ITGB4: variants seen among roughly 807,000 people sequenced by gnomAD.
ITGB4 encodes the protein integrin beta-4.
Under a neutral mutation model 207.6 loss-of-function variants are expected in ITGB4, and 159 were observed. The ratio of observed to expected loss-of-function variants is 0.77; its 90% CI spans 0.67 to 0.87. ITGB4 has a LOEUF of 0.87. Ranked by LOEUF, ITGB4 falls within the 40% of genes least tolerant of loss-of-function variation. The pLI is 0.00. For missense variants in ITGB4, 2,278 were observed against 2,546.8 expected (o/e 0.89, Z 2.27); for synonymous variants, 1,020 against 1,062.7 (o/e 0.96, Z 0.78).
rs764647432 is a variant in ITGB4, at chr17:75,733,701, A to C, written c.1657+9A>C. ...CGGGTTCCTCTGCAATGGTGAGCAC[A>C]ACAACTGCGGCCAATGCTGATGGCG... is the stretch of plus-strand genomic sequence containing the variant. On this transcript the variant is annotated intron_variant, in intron 13 of 39. Transcript: ENST00000200181. The C allele has an allele frequency of 8.7e-6, 14 of 1,613,384 alleles. No homozygotes were observed. The highest frequency in any genetic ancestry group is 1.3e-5 in the African/African-American group (1 of 74,948).
In ITGB4 at chr17:75,730,386, C is replaced by T; in HGVS notation, c.884C>T (p.Thr295Ile). Residue 295 changes from threonine (T) to isoleucine (I), a missense_variant, in exon 8 of 40, where the codon ACC becomes ATC. Coordinates refer to ENST00000200181, the MANE Select transcript of ITGB4 (RefSeq NM_000213.5). ...DERCHLDTTGTYTQYRTQDYP... is the reference protein window; with the variant it reads ...DERCHLDTTGIYTQYRTQDYP... Reference sequence around the variant, plus strand: ...CGGTGCCACCTGGACACCACGGGCACCTACACCCAGTACAGGACACAGGAC... The same window carrying T: ...CGGTGCCACCTGGACACCACGGGCATCTACACCCAGTACAGGACACAGGAC... The T allele has an allele frequency of 6.2e-7, 1 of 1,613,942 alleles. No individual in the cohort carries two copies. The highest frequency in any genetic ancestry group is 8.5e-7 in the Non-Finnish European group (1 of 1,179,994).
In ITGB4 at chr17:75,757,050, A is replaced by C; in HGVS notation, c.5161A>C (p.Thr1721Pro). The change falls in exon 38 of 40, where the codon ACT (threonine) becomes CCT (proline). Residue 1721 changes from threonine to proline, a missense_variant. By Grantham distance (38) the Thr-to-Pro change is conservative. Transcript: ENST00000200181. ...CAAGTTCAAGGTGCAGGCCAGGACC[A>C]CTGAGGGCTTCGGGCCAGAGCGCGA... is the stretch of plus-strand genomic sequence containing the variant. ...PYKFKVQART[T>P]EGFGPEREGI... The C allele has an allele frequency of 1.2e-6, 2 of 1,612,686 alleles. No individual in the cohort carries two copies. Among genetic ancestry groups the C allele is most frequent in the Non-Finnish European group, 1.7e-6 (2 of 1,179,876 alleles).
At chr17:75,735,111 G>A (rs561102266) in intron 13 of ITGB4, among the ~76,000 whole-genome samples, 3 of 152,146 alleles carry the variant, frequency 2.0e-5, no homozygotes, top group African/African-American at 4.8e-5. Flanking sequence ...TTTTTGAGAC[G>A]GAGTCTTGCT....
chr17:75,723,657 G>C (rs984186442), intron 1 of ITGB4, among the ~76,000 whole-genome samples: 3 of 152,264 alleles, frequency 2.0e-5, no homozygotes, highest in Admixed American at 1.3e-4. Context: ...GCCTGAGAAG[G>C]GCTTCTCCAG....
intron 34 of ITGB4, chr17:75,755,057 C>A: frequency 1.3e-6 from 2 of 1,597,384 alleles, no homozygotes; most frequent in South Asian, 2.3e-5. Context: ...TGCCCTAGGC[C>A]TCCCTCCCAT....
rs1445943496 is a variant in ITGB4, at chr17:75,722,675, G to A, written c.-11+1063G>A. 2.0e-5 allele frequency among the ~76,000 whole-genome samples: 3 copies of A among 152,108 alleles called. No homozygotes were observed. The highest frequency in any genetic ancestry group is 4.4e-5 in the Non-Finnish European group (3 of 68,010). On this transcript the variant is annotated intron_variant, in intron 1 of 39. Transcript: ENST00000200181. This position sits in a 1 kb window ranked among gnomAD's most constrained non-coding sequence, Gnocchi z 6.2. ...TGACAGCGGGAGAGGATAGTGGACA[G>A]GAGCAGGTGTGCCCAGAGGGGTCCC...
chr17:75,757,740 T>C lies in ITGB4; in HGVS notation c.*185T>C, dbSNP rs762418706. On this transcript the variant is annotated 3_prime_UTR_variant, in exon 40 of 40. Coordinates refer to ENST00000200181, the MANE Select transcript of ITGB4 (RefSeq NM_000213.5). ...GGTCCGTCCTCTGTGGGCCCAAACC[T>C]ATTTGTAACCAAAGAGCTGGGAGCA... The C allele has an allele frequency of 1.3e-6, 1 of 780,056 alleles. No individual in the cohort carries two copies. Among genetic ancestry groups the C allele is most frequent in the Non-Finnish European group, 2.1e-6 (1 of 474,998 alleles). 48.3% of individuals were successfully genotyped at this position (780,056 alleles called of 1,614,324 possible). A position where few individuals can be genotyped will look rare whatever the true frequency, so the allele number is the denominator to read the frequency against.
At position 75,750,010 on chromosome 17, in the gene ITGB4, T is replaced by C; in HGVS notation, c.3317-101T>C. 1.4e-6 allele frequency: 2 copies of C among 1,461,928 alleles called. No homozygotes were observed. Among genetic ancestry groups the C allele is most frequent in the Non-Finnish European group, 1.9e-6 (2 of 1,043,184 alleles). The allele number at this position is 1,461,928 out of a possible 1,614,324, so 90.6% of individuals were successfully genotyped here. On this transcript the variant is annotated intron_variant, in intron 27 of 39. Transcript: ENST00000200181. The surrounding 1 kb of genome is among the most constrained non-coding windows in gnomAD (Gnocchi z 5.5). The stretch of plus-strand genomic sequence containing the variant: ...CGCGGGTGGGCAGGTCTGAGTTGAA[T>C]GCGCTGGGTAGAGCGCCCTGGGTGT...
rs957737266 is a variant in ITGB4, at chr17:75,743,894, C to G, written c.3111+33C>G. The G allele has an allele frequency of 1.6e-5, 25 of 1,551,640 alleles. No individual in the cohort carries two copies. The Admixed American group carries it at 2.3e-4, about 15-fold the overall frequency. On this transcript the variant is annotated intron_variant, in intron 26 of 39. Coordinates refer to ENST00000200181, the MANE Select transcript of ITGB4 (RefSeq NM_000213.5). Reference sequence around the variant, plus strand: ...TGCGCCACAGGGTCGAGGGTGCAGCCCGGGGGGCTGCGTGGGCACCGCATT... The same window carrying G: ...TGCGCCACAGGGTCGAGGGTGCAGCGCGGGGGGCTGCGTGGGCACCGCATT...
chr17:75,740,665 C>A lies in ITGB4; in HGVS notation c.2551-128C>A. 8.8e-7 allele frequency: 1 copy of A among 1,142,128 alleles called. No individual in the cohort carries two copies. 70.7% of individuals were successfully genotyped at this position (1,142,128 alleles called of 1,614,324 possible). Reference sequence around the variant, plus strand: ...AGCCTGGGCCCAGGATGCTGCCCCACGGGGCATGCCCCAGCCAACCCTGAG... The same window carrying A: ...AGCCTGGGCCCAGGATGCTGCCCCAAGGGGCATGCCCCAGCCAACCCTGAG... On this transcript the variant is annotated intron_variant, in intron 21 of 39. Transcript: ENST00000200181. The surrounding 1 kb of genome is among the most constrained non-coding windows in gnomAD (Gnocchi z 5.9).
At position 75,739,974 on chromosome 17, in the gene ITGB4, C is replaced by T. The variant is rs1393807696; in HGVS notation, c.2349C>T (p.Asn783=). 1 of 1,613,252 alleles carries T rather than the reference C, an allele frequency of 6.2e-7. No homozygotes were observed. Among genetic ancestry groups the T allele is most frequent in the Non-Finnish European group, 8.5e-7 (1 of 1,180,032 alleles). Reference sequence around the variant, plus strand: ...ACACGCCCATGCTGCGCAGCGGGAACCTCAAGGGCCGTGACGTGGTCCGCT... The same window carrying T: ...ACACGCCCATGCTGCGCAGCGGGAATCTCAAGGGCCGTGACGTGGTCCGCT... ...HLDTPMLRSG[N]LKGRDVVRWK... The change falls in exon 20 of 40, where the codon AAC becomes AAT. Residue 783 remains asparagine, a synonymous_variant. Coordinates refer to ENST00000200181, the MANE Select transcript of ITGB4 (RefSeq NM_000213.5). This position sits in a 1 kb window ranked among gnomAD's most constrained non-coding sequence, Gnocchi z 5.4.
Position 75,757,590 on chromosome 17 carries a change from G to A in ITGB4, c.*35G>A. 1 of 1,612,878 alleles carries A rather than the reference G, an allele frequency of 6.2e-7. No homozygotes were observed. The highest frequency in any genetic ancestry group is 1.1e-5 in the South Asian group (1 of 91,066). On this transcript the variant is annotated 3_prime_UTR_variant, in exon 40 of 40. Coordinates refer to ENST00000200181, the MANE Select transcript of ITGB4 (RefSeq NM_000213.5). The stretch of plus-strand genomic sequence containing the variant: ...GCCCCACCCCCGCCACGTCCCACTA[G>A]GCGTCCTCCCGACTCCTCTCCCGGA...
At position 75,732,284 on chromosome 17, in the gene ITGB4, T is replaced by C; in HGVS notation, c.1454+45T>C. ...GGGCACCCAGGACACCAGTGGCCCC[T>C]GATGGGAAAGCTGGGCTCCTGCAGG... is the stretch of plus-strand genomic sequence containing the variant. On this transcript the variant is annotated intron_variant, in intron 12 of 39. Coordinates refer to ENST00000200181, the MANE Select transcript of ITGB4 (RefSeq NM_000213.5). The surrounding 1 kb of genome is among the most constrained non-coding windows in gnomAD (Gnocchi z 5.3). 6.3e-7 allele frequency: 1 copy of C among 1,583,448 alleles called. No homozygotes were observed. Among genetic ancestry groups the C allele is most frequent in the South Asian group, 1.1e-5 (1 of 90,474 alleles).
chr17:75,726,000 C>G (rs2060709865), intron 2 of ITGB4, among the ~76,000 whole-genome samples: 1 of 152,222 alleles, frequency 6.6e-6, no homozygotes, highest in African/African-American at 2.4e-5. Context: ...GGCAGCAGGC[C>G]AGGGGGTGGC....
chr17:75,740,654 A>T lies in ITGB4; in HGVS notation c.2551-139A>T, dbSNP rs888221064. Reference sequence around the variant, plus strand: ...CAGAAGGCCAGAGCCTGGGCCCAGGATGCTGCCCCACGGGGCATGCCCCAG... The same window carrying T: ...CAGAAGGCCAGAGCCTGGGCCCAGGTTGCTGCCCCACGGGGCATGCCCCAG... On this transcript the variant is annotated intron_variant, in intron 21 of 39. Transcript: ENST00000200181. The surrounding 1 kb of genome is among the most constrained non-coding windows in gnomAD (Gnocchi z 5.9). 8 of 1,067,174 alleles carry T rather than the reference A, an allele frequency of 7.5e-6. No individual in the cohort carries two copies. Among genetic ancestry groups the T allele is most frequent in the Admixed American group, 5.6e-5 (3 of 53,436 alleles). The allele number at this position is 1,067,174 out of a possible 1,614,324, so 66.1% of individuals were successfully genotyped here.
At position 75,756,310 on chromosome 17, in the gene ITGB4, C is replaced by A. The variant is rs541616017; in HGVS notation, c.4709-119C>A. Reference sequence around the variant, plus strand: ...ATACTGTACCCAACCTGTACCCAAACCACAGCTAGTCCTGGGTGGGTGATA... The same window carrying A: ...ATACTGTACCCAACCTGTACCCAAAACACAGCTAGTCCTGGGTGGGTGATA... On this transcript the variant is annotated intron_variant, in intron 35 of 39. Coordinates refer to ENST00000200181, the MANE Select transcript of ITGB4 (RefSeq NM_000213.5). 563 of 1,118,472 alleles carry A rather than the reference C, an allele frequency of 5.0e-4. 3 individuals carry two copies. Among genetic ancestry groups the A allele is most frequent in the Middle Eastern group, 2.6e-3 (13 of 4,908 alleles). The allele number at this position is 1,118,472 out of a possible 1,614,324, so 69.3% of individuals were successfully genotyped here. A position where few individuals can be genotyped will look rare whatever the true frequency, so the allele number is the denominator to read the frequency against.
chr17:75,749,079 G>A (rs1304815022), intron 27 of ITGB4, 34 bp downstream of exon 27: 2 of 1,561,268 alleles, frequency 1.3e-6, no homozygotes, highest in Non-Finnish European at 1.7e-6. Context: ...TTAAGCAGGA[G>A]GAGAGGGAAG....
chr17:75,751,120 C>T lies in ITGB4; in HGVS notation c.3793+9C>T, dbSNP rs2061358046. The T allele has an allele frequency of 1.9e-6, 3 of 1,612,854 alleles. No individual in the cohort carries two copies. The highest frequency in any genetic ancestry group is 2.5e-6 in the Non-Finnish European group (3 of 1,180,010). On this transcript the variant is annotated intron_variant, in intron 30 of 39. Coordinates refer to ENST00000200181, the MANE Select transcript of ITGB4 (RefSeq NM_000213.5). The stretch of plus-strand genomic sequence containing the variant: ...GGTCAACGATGACAACCGTAAGAAC[C>T]AGATCCTTCTTTCCTGCCCACAGGG...
chr17:75,744,366 C>G (rs1013434881), intron 26 of ITGB4, among the ~76,000 whole-genome samples: 2 of 151,966 alleles, frequency 1.3e-5, no homozygotes, highest in East Asian at 3.9e-4. Flanking sequence ...GTGATCCGCC[C>G]GCCTTGGCCT....
Sources: gnomAD v4.1 joint callset for allele counts (sites outside exome capture counted in the v4.1 genomes callset) on GRCh38, gnomAD v4.1.1 for gene constraint, Gnocchi (gnomAD v3.1) non-coding constraint, MANE v1.5 for transcripts, NCBI Gene and HGNC (gene_info 2026-07-23, HGNC 2026-07-21) for gene names.